The following HECW1 variants were observed in gnomAD, a reference collection of about 807,000 sequenced individuals.
The protein encoded by HECW1 is E3 ubiquitin-protein ligase HECW1.
HECW1 carries 61 observed loss-of-function variants against 182.3 expected under a neutral mutation model. The observed-to-expected ratio is 0.33, with a 90% CI of 0.27 to 0.41. HECW1 has a LOEUF of 0.41. Among genes scored for constraint, HECW1 ranks in the 10% least tolerant of loss-of-function variants. HECW1 has a pLI of 1.00. For missense variants in HECW1, 1,739 were observed against 2,108.9 expected (o/e 0.82, Z 3.44); for synonymous variants, 859 against 832.6 (o/e 1.03, Z -0.55).
At chr7:43,123,306 G>GCC in intron 2 of HECW1, among the ~76,000 whole-genome samples, 1 of 152,292 alleles carries the variant, frequency 6.6e-6, no homozygotes, top group East Asian at 1.9e-4. Flanking sequence ...CTTGTCAGGA[G>GCC]CTTAGAAATC....
In HECW1 at chr7:43,311,661, TCA is replaced by T; in HGVS notation, c.28-99_28-98del. 3.8e-6 allele frequency: 4 copies of T among 1,053,542 alleles called. No individual in the cohort carries two copies. The East Asian group carries it at 9.4e-5, about 25-fold the overall frequency. 65.3% of individuals were successfully genotyped at this position (1,053,542 alleles called of 1,614,324 possible). A position where few individuals can be genotyped will look rare whatever the true frequency, so the allele number is the denominator to read the frequency against. On this transcript the variant is annotated intron_variant, in intron 3 of 29. Transcript: ENST00000395891. ...ATATCTGCCCAGCAGGGCAGCTCAC[TCA>T]CAGCGCGTGTCTCCCAGCACATCTT...
intron 3 of HECW1, among the ~76,000 whole-genome samples, chr7:43,262,162 A>G (rs7789382): frequency 0.15 from 23,368 of 152,048 alleles, 3,953 homozygotes; most frequent in African/African-American, 0.42. Flanking sequence ...TGGAGGTTGC[A>G]GTGAGCTGAG....
intron 3 of HECW1, among the ~76,000 whole-genome samples, chr7:43,289,106 CTTT>C (rs61444685): frequency 4.2e-5 from 6 of 141,550 alleles, no homozygotes; most frequent in Non-Finnish European, 7.7e-5. Flanking sequence ...TTTCTCTTTT[CTTT>C]TTTTTTTTTT....
intron 9 of HECW1, among the ~76,000 whole-genome samples, chr7:43,442,266 A>G (rs1245923999): frequency 6.6e-6 from 1 of 152,242 alleles, no homozygotes; most frequent in Non-Finnish European, 1.5e-5. Context: ...CTAAGCTATG[A>G]TGTTTGGCAG....
At chr7:43,557,941 C>G (rs2082084801) in intron 29 of HECW1, among the ~76,000 whole-genome samples, 1 of 152,100 alleles carries the variant, frequency 6.6e-6, no homozygotes, top group African/African-American at 2.4e-5. Flanking sequence ...AATAAATTAT[C>G]TAAATGACAT....
intron 24 of HECW1, among the ~76,000 whole-genome samples, chr7:43,525,279 A>G (rs1277188923): frequency 1.3e-5 from 2 of 152,264 alleles, no homozygotes; most frequent in Admixed American, 1.3e-4. Context: ...TAAATTACTG[A>G]AAATGTAATT....
chr7:43,519,132 A>G (rs2080315167), intron 24 of HECW1, among the ~76,000 whole-genome samples: 1 of 152,232 alleles, frequency 6.6e-6, no homozygotes, highest in African/African-American at 2.4e-5. Context: ...ACCTAGTATA[A>G]TCCTCTATTT....
chr7:43,113,667 G>A lies in HECW1; in HGVS notation c.-266-490G>A, dbSNP rs1219089597. 4.2e-5 allele frequency: 7 copies of A among 165,958 alleles called. No individual in the cohort carries two copies. The South Asian group carries it at 8.7e-4, about 21-fold the overall frequency. The allele number at this position is 165,958 out of a possible 1,614,324, so 10.3% of individuals were successfully genotyped here. ...CAGGCAGGGAGGGAGCTGCCGGGGCGGGGAGGGGGGGGGAATGCGTCCGGT... is the reference window on the plus strand; with the variant it reads ...CAGGCAGGGAGGGAGCTGCCGGGGCAGGGAGGGGGGGGGAATGCGTCCGGT... On this transcript the variant is annotated intron_variant, in intron 1 of 29. Coordinates refer to ENST00000395891, the MANE Select transcript of HECW1 (RefSeq NM_015052.5).
rs76388573 is a variant in HECW1 at position 43,316,398 on chromosome 7, G to A, written c.353-4237G>A. Among the ~76,000 whole-genome samples the A allele has an allele frequency of 7.2e-5, 11 of 152,252 alleles. No homozygotes were observed. In the East Asian group the frequency reaches 1.9e-3, roughly 27 times the overall value. On this transcript the variant is annotated intron_variant, in intron 4 of 29. Coordinates refer to ENST00000395891, the MANE Select transcript of HECW1 (RefSeq NM_015052.5). ...GTGTCATAGGGATTTGCAATAGAGG[G>A]CCCTATTTTTGGCCCAGATTCTAAG... is the stretch of plus-strand genomic sequence containing the variant.
At chr7:43,127,097 C>T (rs889790667) in intron 2 of HECW1, among the ~76,000 whole-genome samples, 12 of 152,102 alleles carry the variant, frequency 7.9e-5, no homozygotes, top group African/African-American at 1.9e-4. Context: ...TTAGTGAGGA[C>T]GGCATGTCAA....
chr7:43,129,823 C>G (rs1786705483), intron 2 of HECW1, among the ~76,000 whole-genome samples: 1 of 152,120 alleles, frequency 6.6e-6, no homozygotes, highest in South Asian at 2.1e-4. Context: ...GTGGTACCTG[C>G]CCATAAGCTA....
chr7:43,548,337 T>C (rs752946098), intron 26 of HECW1, among the ~76,000 whole-genome samples: 9 of 152,164 alleles, frequency 5.9e-5, no homozygotes, highest in Non-Finnish European at 7.3e-5. Flanking sequence ...TCCAAAAAAA[T>C]TCCCAATATA....
chr7:43,480,256 G>A (rs2078376736), intron 17 of HECW1, among the ~76,000 whole-genome samples: 1 of 152,166 alleles, frequency 6.6e-6, no homozygotes, highest in South Asian at 2.1e-4. Context: ...TTCCTTGGCA[G>A]CACTTTGTGG....
intron 2 of HECW1, among the ~76,000 whole-genome samples, chr7:43,223,958 A>G (rs1488012679): frequency 6.6e-6 from 1 of 151,906 alleles, no homozygotes; most frequent in Admixed American, 6.5e-5. Context: ...CTGAGATTCA[A>G]CCCTTTCAAC....
intron 26 of HECW1, 123 bp from the exon 27 acceptor site, chr7:43,550,322 A>C: frequency 2.0e-6 from 2 of 1,009,926 alleles, no homozygotes; most frequent in South Asian, 3.1e-5. Flanking sequence ...CTCCAGGGAT[A>C]ATAATGCTGA....
At chr7:43,145,858 G>A (rs990144020) in intron 2 of HECW1, among the ~76,000 whole-genome samples, 2 of 152,142 alleles carry the variant, frequency 1.3e-5, no homozygotes, top group Admixed American at 1.3e-4. Flanking sequence ...ATAACAGAGT[G>A]GAAGTTGACT....
At chr7:43,175,271 A>C (rs1290756452) in intron 2 of HECW1, among the ~76,000 whole-genome samples, 1 of 152,136 alleles carries the variant, frequency 6.6e-6, no homozygotes, top group Non-Finnish European at 1.5e-5. Context: ...TGTCATGAGA[A>C]CATTCAGAAT....
chr7:43,446,624 A>AT (rs140487517), intron 11 of HECW1, among the ~76,000 whole-genome samples: 22,402 of 150,904 alleles, frequency 0.15, 1,923 homozygotes, highest in Middle Eastern at 0.22. Flanking sequence ...GTGCCTACAA[A>AT]TTTTTTTTTT....
chr7:43,378,597 G>A (rs887346836), intron 6 of HECW1, among the ~76,000 whole-genome samples: 11 of 152,182 alleles, frequency 7.2e-5, no homozygotes, highest in Non-Finnish European at 1.5e-4. Flanking sequence ...TTGAGGTCGG[G>A]AGTTTGAGAC....
Sources: gnomAD v4.1 joint callset for allele counts (sites outside exome capture counted in the v4.1 genomes callset) on GRCh38, gnomAD v4.1.1 for gene constraint, MANE v1.5 for transcripts, NCBI Gene and HGNC (gene_info 2026-07-23, HGNC 2026-07-21) for gene names.